SOX5: variants seen among roughly 807,000 people sequenced by gnomAD.
The protein encoded by SOX5 is SRY-box transcription factor 5, also known as transcription factor SOX-5.
SOX5 carries 9 observed loss-of-function variants against 92.0 expected under a neutral mutation model. The ratio of observed to expected loss-of-function variants is 0.10; its 90% confidence interval spans 0.06 to 0.17. The LOEUF (loss-of-function observed/expected upper bound fraction) is 0.17, where lower values mean the gene tolerates loss of function less well. Ranked by LOEUF, SOX5 falls within the 10% of genes least tolerant of loss-of-function variation. The probability of loss-of-function intolerance (pLI) is 1.00; values close to 1 mark genes in which losing one functional copy is unlikely to be tolerated. For missense variants in SOX5, 642 were observed against 944.5 expected, an observed-to-expected ratio of 0.68 and a Z score of 4.20; for synonymous variants, 344 against 336.3, an observed-to-expected ratio of 1.02 and a Z score of -0.25.
intron 3 of SOX5, among the ~76,000 whole-genome samples, chr12:23,829,238 T>C (rs1045691789): frequency 6.6e-6 from 1 of 152,188 alleles, no homozygotes; most frequent in African/African-American, 2.4e-5. Context: ...GGAGGTCTGA[T>C]TAATTTTAAT....
At chr12:24,245,243 G>GTGTC (rs1938435442) in intron 3 of SOX5, among the ~76,000 whole-genome samples, 2 of 149,292 alleles carry the variant, frequency 1.3e-5, no homozygotes, top group Admixed American at 1.3e-4. Flanking sequence ...ATTTGTGTGT[G>GTGTC]TGTGTGTGTG....
intron 1 of SOX5, among the ~76,000 whole-genome samples, chr12:23,930,963 A>G (rs115609237): frequency 0.018 from 2,760 of 151,810 alleles, 81 homozygotes; most frequent in African/African-American, 0.063. Flanking sequence ...TTACTTCCCC[A>G]TTCATATTTT....
chr12:23,785,462 T>A (rs1335509424), intron 3 of SOX5, among the ~76,000 whole-genome samples: 3 of 152,178 alleles, frequency 2.0e-5, no homozygotes, highest in Non-Finnish European at 2.9e-5. Flanking sequence ...AATAAAAAAA[T>A]TTTAATGAAA....
At chr12:24,325,371 A>G (rs1174291878) in intron 2 of SOX5, among the ~76,000 whole-genome samples, 1 of 152,184 alleles carries the variant, frequency 6.6e-6, no homozygotes, top group East Asian at 1.9e-4. Context: ...TTTTAAACAA[A>G]TCAATGTTTA....
intron 3 of SOX5, among the ~76,000 whole-genome samples, chr12:23,838,843 TG>T (rs780799319): frequency 0.027 from 1,022 of 38,148 alleles, 29 homozygotes; most frequent in African/African-American, 0.08. Context: ...TCTTTTTTTT[TG>T]GGGGGGGGGG....
At chr12:23,902,966 G>A (rs2097252645) in intron 1 of SOX5, among the ~76,000 whole-genome samples, 1 of 152,012 alleles carries the variant, frequency 6.6e-6, no homozygotes, top group Non-Finnish European at 1.5e-5. Context: ...TTACCTTTGT[G>A]TCATAAATAA....
intron 1 of SOX5, among the ~76,000 whole-genome samples, chr12:24,547,068 G>T (rs1464477093): frequency 6.6e-6 from 1 of 150,872 alleles, no homozygotes; most frequent in Non-Finnish European, 1.5e-5. Flanking sequence ...AACAAAAAAA[G>T]AAATTATATT....
At chr12:24,423,647 G>T (rs1457844962) in intron 1 of SOX5, among the ~76,000 whole-genome samples, 1 of 152,204 alleles carries the variant, frequency 6.6e-6, no homozygotes, top group Non-Finnish European at 1.5e-5. Flanking sequence ...AAATGCCATT[G>T]CTGGCTGAAC....
chr12:24,457,976 C>G (rs965436370), intron 1 of SOX5, among the ~76,000 whole-genome samples: 5 of 152,024 alleles, frequency 3.3e-5, no homozygotes, highest in Admixed American at 1.3e-4. Context: ...CAGTTCCTTC[C>G]TAAATAGGGA....
At chr12:24,442,198 C>A (rs964841323) in intron 1 of SOX5, among the ~76,000 whole-genome samples, 1 of 152,152 alleles carries the variant, frequency 6.6e-6, no homozygotes, top group Non-Finnish European at 1.5e-5. Context: ...ATTGCTAGAA[C>A]GCAATCCTAA....
At chr12:23,997,640 G>A (rs779933124) in intron 4 of SOX5, among the ~76,000 whole-genome samples, 13 of 152,014 alleles carry the variant, frequency 8.6e-5, no homozygotes, top group Admixed American at 3.3e-4. Context: ...AAGATGGGGC[G>A]GATTCATAAA....
intron 1 of SOX5, among the ~76,000 whole-genome samples, chr12:24,521,853 A>G (rs1282273318): frequency 1.3e-5 from 2 of 152,164 alleles, no homozygotes; most frequent in Admixed American, 1.3e-4. Context: ...CTAAATTAAA[A>G]AAGAAGAAAG....
chr12:23,545,894 G>C (rs568659835), intron 12 of SOX5, among the ~76,000 whole-genome samples: 1 of 151,396 alleles, frequency 6.6e-6, no homozygotes, highest in South Asian at 2.1e-4. Flanking sequence ...AAACAAAATT[G>C]CTGGGCATGT....
intron 1 of SOX5, among the ~76,000 whole-genome samples, chr12:24,409,570 G>A (rs1355085437): frequency 6.6e-6 from 1 of 152,116 alleles, no homozygotes; most frequent in African/African-American, 2.4e-5. Context: ...GTCCAGGAGT[G>A]CATTGCTAGG....
intron 1 of SOX5, among the ~76,000 whole-genome samples, chr12:24,408,950 A>G (rs1963543397): frequency 6.6e-6 from 1 of 152,210 alleles, no homozygotes; most frequent in Non-Finnish European, 1.5e-5. Context: ...CGGAAATATC[A>G]TTTGACCCAG....
Position 23,895,868 on chromosome 12 carries a change from C to T in SOX5, c.195G>A (p.Glu65=), listed in dbSNP as rs758523576. 9.3e-6 allele frequency: 15 copies of T among 1,614,106 alleles called. No individual in the cohort carries two copies. The highest frequency in any genetic ancestry group is 1.3e-5 in the Non-Finnish European group (15 of 1,179,990). Residue 65 remains glutamate (E), a synonymous_variant, in exon 2 of 15, where the codon GAG becomes GAA. Transcript: ENST00000451604. ...HVSFPNKPHS[E]EFQPVSLLTQ... ...TCAGCAGAGAAACTGGCTGAAATTC[C>T]TCAGAGTGAGGCTTGTTGGGAAAAC...
chr12:24,024,934 A>C (rs914665836), intron 4 of SOX5, among the ~76,000 whole-genome samples: 6 of 152,060 alleles, frequency 3.9e-5, no homozygotes, highest in African/African-American at 1.4e-4. Flanking sequence ...GATTTCTCTG[A>C]ACAAGATAAC....
intron 4 of SOX5, among the ~76,000 whole-genome samples, chr12:24,151,844 A>C (rs949656300): frequency 6.6e-6 from 1 of 152,102 alleles, no homozygotes; most frequent in African/African-American, 2.4e-5. Context: ...GAGTTCATAG[A>C]ATACGATGCA....
At chr12:23,710,145 C>T (rs935324662) in intron 6 of SOX5, among the ~76,000 whole-genome samples, 6 of 151,962 alleles carry the variant, frequency 3.9e-5, no homozygotes, top group South Asian at 2.1e-4. Context: ...AAGACACACA[C>T]GGTAAGAAAG....
Sources: gnomAD v4.1 joint callset for allele counts (sites outside exome capture counted in the v4.1 genomes callset) on GRCh38, gnomAD v4.1.1 for gene constraint, MANE v1.5 for transcripts, NCBI Gene and HGNC (gene_info 2026-07-23, HGNC 2026-07-21) for gene names.